Variants in NCOA2 observed in about 807,000 individuals in gnomAD.
NCOA2 encodes class E basic helix-loop-helix protein 75.
A neutral mutation model predicts 145.1 loss-of-function variants in NCOA2; 21 were observed. The ratio of observed to expected loss-of-function variants is 0.14; its 90% CI spans 0.10 to 0.21. The LOEUF is 0.21. Ranked by LOEUF, NCOA2 falls within the 10% of genes least tolerant of loss-of-function variation. The pLI is 1.00. For synonymous variants in NCOA2, 619 were observed against 637.5 expected, an observed-to-expected ratio of 0.97 and a Z score of 0.44; for missense variants, 1,472 against 1,837.6, an observed-to-expected ratio of 0.80 and a Z score of 3.64.
chr8:70,401,993 C>A (rs576652678), intron 1 of NCOA2: 26 of 152,406 alleles, frequency 1.7e-4, no homozygotes, highest in African/African-American at 6.0e-4. Context: ...GGGTCGGAGC[C>A]CCTATAAGTG....
intron 2 of NCOA2, among the ~76,000 whole-genome samples, chr8:70,255,945 C>T (rs899127500): frequency 6.6e-6 from 1 of 152,206 alleles, no homozygotes; most frequent in Admixed American, 6.5e-5. Flanking sequence ...AATCTGCTGA[C>T]TTGAAGCTGC....
intron 2 of NCOA2, among the ~76,000 whole-genome samples, chr8:70,252,553 T>A (rs1823285295): frequency 6.6e-6 from 1 of 152,252 alleles, no homozygotes; most frequent in Non-Finnish European, 1.5e-5. Context: ...TTTGCTCTTC[T>A]GACTCTACCA....
intron 1 of NCOA2, among the ~76,000 whole-genome samples, chr8:70,358,458 A>T (rs76680955): frequency 0.032 from 4,875 of 152,332 alleles, 253 homozygotes; most frequent in African/African-American, 0.11. Flanking sequence ...GAAATACATT[A>T]TCTATGGCAA....
At chr8:70,222,216 T>A (rs771877154) in intron 2 of NCOA2, among the ~76,000 whole-genome samples, 112 of 152,326 alleles carry the variant, frequency 7.4e-4, no homozygotes, top group African/African-American at 2.4e-3. Context: ...AGTTCAACTT[T>A]ACTAGTTTAG....
intron 8 of NCOA2, among the ~76,000 whole-genome samples, chr8:70,163,257 A>C (rs1425910990): frequency 6.6e-6 from 1 of 152,056 alleles, no homozygotes; most frequent in Non-Finnish European, 1.5e-5. Flanking sequence ...TATTTATTTA[A>C]ACTAGGTAAC....
At position 70,124,552 on chromosome 8, in the gene NCOA2, G is replaced by A. The variant is rs554005520; in HGVS notation, c.4094+136C>T. On this transcript the variant is annotated intron_variant, in intron 20 of 22. Transcript: ENST00000452400. ...TATGATAGAAATTGCTGTGGAAGGCGGTGACCTAGAAGCCATCCTTTATCA... is the reference window on the plus strand; with the variant it reads ...TATGATAGAAATTGCTGTGGAAGGCAGTGACCTAGAAGCCATCCTTTATCA... 7.7e-5 allele frequency: 62 copies of A among 802,312 alleles called. No individual in the cohort carries two copies. The African/African-American group carries it at 9.8e-4, about 13-fold the overall frequency. The allele number at this position is 802,312 out of a possible 1,614,324, so 49.7% of individuals were successfully genotyped here.
chr8:70,312,472 G>A (rs1349390094), intron 1 of NCOA2, among the ~76,000 whole-genome samples: 4 of 152,070 alleles, frequency 2.6e-5, no homozygotes, highest in African/African-American at 9.7e-5. Context: ...AAGGTCTTTA[G>A]TTTAATCTAG....
intron 2 of NCOA2, among the ~76,000 whole-genome samples, chr8:70,228,896 A>G (rs890763902): frequency 1.3e-5 from 2 of 152,224 alleles, no homozygotes; most frequent in Non-Finnish European, 1.5e-5. Flanking sequence ...GTTGGGATAG[A>G]ATGACGTGGA....
intron 2 of NCOA2, among the ~76,000 whole-genome samples, chr8:70,285,407 A>T (rs1045592218): frequency 6.6e-6 from 1 of 152,166 alleles, no homozygotes; most frequent in African/African-American, 2.4e-5. Flanking sequence ...ACCTTTTGGC[A>T]CTTGAGTCCC....
intron 4 of NCOA2, among the ~76,000 whole-genome samples, chr8:70,189,259 T>C (rs1022414067): frequency 2.0e-5 from 3 of 152,212 alleles, no homozygotes; most frequent in Admixed American, 6.5e-5. Context: ...ACGGGCCTTC[T>C]TGGTTCAGCA....
intron 4 of NCOA2, among the ~76,000 whole-genome samples, chr8:70,208,131 C>A (rs960047181): frequency 4.0e-5 from 6 of 151,866 alleles, no homozygotes; most frequent in South Asian, 4.2e-4. Flanking sequence ...AGTGAAATAG[C>A]CTTTTTGCTG....
intron 2 of NCOA2, among the ~76,000 whole-genome samples, chr8:70,282,088 A>C (rs748495489): frequency 1.3e-5 from 2 of 152,216 alleles, no homozygotes; most frequent in Non-Finnish European, 2.9e-5. Flanking sequence ...CCAAATGTCT[A>C]CTAACCCCAA....
chr8:70,336,555 A>C (rs989540392), intron 1 of NCOA2, among the ~76,000 whole-genome samples: 3 of 152,114 alleles, frequency 2.0e-5, no homozygotes, highest in Non-Finnish European at 4.4e-5. Flanking sequence ...TCATGGTGGA[A>C]GGTGAAGGGG....
chr8:70,368,748 T>C (rs2131197577), intron 1 of NCOA2, among the ~76,000 whole-genome samples: 1 of 152,314 alleles, frequency 6.6e-6, no homozygotes, highest in Middle Eastern at 3.4e-3. Context: ...AAAAGGAAAT[T>C]AATGCTGCTG....
intron 11 of NCOA2, among the ~76,000 whole-genome samples, chr8:70,152,411 C>T (rs1336421680): frequency 2.0e-5 from 3 of 152,164 alleles, no homozygotes; most frequent in Non-Finnish European, 4.4e-5. Flanking sequence ...TTGCCTAACA[C>T]AAAGTTGTTA....
chr8:70,432,210 G>A, the NCOA2 span, among the ~76,000 whole-genome samples: 1 of 152,210 alleles, frequency 6.6e-6, no homozygotes, highest in Non-Finnish European at 1.5e-5. Context: ...CTGACAGTGA[G>A]GCTGAAGTAG....
At chr8:70,391,226 T>G (rs911709846) in intron 1 of NCOA2, among the ~76,000 whole-genome samples, 6 of 152,184 alleles carry the variant, frequency 3.9e-5, no homozygotes, top group African/African-American at 1.4e-4. Context: ...CTCCAGGAAA[T>G]TTTCGTCTCC....
At chr8:70,360,483 C>G (rs1281896134) in intron 1 of NCOA2, among the ~76,000 whole-genome samples, 1 of 152,068 alleles carries the variant, frequency 6.6e-6, no homozygotes, top group Non-Finnish European at 1.5e-5. Flanking sequence ...TTAATTACAG[C>G]ACAGGAGATT....
chr8:70,277,100 T>G (rs1825522788), intron 2 of NCOA2, among the ~76,000 whole-genome samples: 1 of 152,176 alleles, frequency 6.6e-6, no homozygotes, highest in African/African-American at 2.4e-5. Context: ...ATGGGCAAGC[T>G]CTTTAATTTT....
Sources: allele counts gnomAD v4.1 joint callset (sites outside exome capture counted in the v4.1 genomes callset), GRCh38; gene constraint gnomAD v4.1.1; transcripts MANE v1.5; gene names NCBI Gene and HGNC (gene_info 2026-07-23, HGNC 2026-07-21).